The following PIAS2 variants were observed in gnomAD, a reference collection of about 807,000 sequenced individuals.
The protein encoded by PIAS2 is E3 SUMO-protein ligase PIAS2.
PIAS2 carries 19 observed loss-of-function variants against 69.7 expected under a neutral mutation model. That is an observed-to-expected ratio of 0.27 (90% CI 0.19 to 0.40). PIAS2 has a LOEUF of 0.40. Among genes scored for constraint, PIAS2 ranks in the 10% least tolerant of loss-of-function variants. PIAS2 has a pLI of 1.00. For missense variants in PIAS2, 624 were observed against 757.0 expected (o/e 0.82, Z 2.06); for synonymous variants, 261 against 263.2 (o/e 0.99, Z 0.08).
intron 12 of PIAS2, among the ~76,000 whole-genome samples, chr18:46,820,233 G>A (rs2042017659): frequency 6.6e-6 from 1 of 151,940 alleles, no homozygotes; most frequent in Non-Finnish European, 1.5e-5. Flanking sequence ...CTTAATAATG[G>A]CACCAAAGTG....
intron 2 of PIAS2, among the ~76,000 whole-genome samples, chr18:46,886,101 C>T (rs1432564316): frequency 6.6e-6 from 1 of 152,188 alleles, no homozygotes; most frequent in Non-Finnish European, 1.5e-5. Context: ...CCTACTACAG[C>T]ATCTTCACTT....
Position 46,836,491 on chromosome 18 carries a change from T to C in PIAS2, c.1068A>G (p.Pro356=). Residue 356 remains proline (P), a synonymous_variant, in exon 9 of 14, where the codon CCA becomes CCG. Coordinates refer to ENST00000585916, the MANE Select transcript of PIAS2 (RefSeq NM_004671.5). The part of the protein sequence containing the change: ...CPLGKMRLTI[P]CRAVTCTHLQ... ...GATGTGTACAAGTCACTGCACGGCA[T>C]GGGATTGTCAGCCTCATTTTTCCTA... 6.2e-7 allele frequency: 1 copy of C among 1,612,656 alleles called. No individual in the cohort carries two copies. The highest frequency in any genetic ancestry group is 1.1e-5 in the South Asian group (1 of 90,796).
intron 12 of PIAS2, chr18:46,817,744 A>G (rs1214893340): frequency 3.6e-5 from 34 of 947,414 alleles, no homozygotes; most frequent in Non-Finnish European, 4.3e-5. Context: ...TCTCTCACTG[A>G]AACCATTTTT....
Position 46,812,077 on chromosome 18 carries a change from A to G in PIAS2, c.*356T>C. On this transcript the variant is annotated 3_prime_UTR_variant, in exon 14 of 14. Transcript: ENST00000585916. ...ACAATTTTTTTTTTAATTAGAAAAA[A>G]GGTTACTTGAATATTTACATAATTT... The G allele has an allele frequency of 6.3e-6, 1 of 158,036 alleles. No individual in the cohort carries two copies. Among genetic ancestry groups the G allele is most frequent in the Non-Finnish European group, 1.4e-5 (1 of 71,644 alleles). The allele number at this position is 158,036 out of a possible 1,614,324, so 9.8% of individuals were successfully genotyped here. A position where few individuals can be genotyped will look rare whatever the true frequency, so the allele number is the denominator to read the frequency against.
intron 5 of PIAS2, among the ~76,000 whole-genome samples, chr18:46,854,216 A>G (rs899284504): frequency 1.3e-5 from 2 of 152,120 alleles, no homozygotes; most frequent in Non-Finnish European, 2.9e-5. Context: ...GGCTCTGGAG[A>G]GCCCAGAGTC....
rs1415015456 is a variant in PIAS2 at position 46,808,636 on chromosome 18, C to T, written c.*3797G>A. The T allele has an allele frequency of 1.3e-5, 2 of 152,110 alleles. No individual in the cohort carries two copies. Among genetic ancestry groups the T allele is most frequent in the Non-Finnish European group, 2.9e-5 (2 of 68,006 alleles). The allele number at this position is 152,110 out of a possible 1,614,324, so 9.4% of individuals were successfully genotyped here. ...CTTAAGGCTCCCAAATCACATGAAC[C>T]TAGGACCACTAAATCCAATGTCAGA... On this transcript the variant is annotated 3_prime_UTR_variant, in exon 14 of 14. Transcript: ENST00000585916.
At chr18:46,911,819 G>C (rs893746038) in intron 1 of PIAS2, among the ~76,000 whole-genome samples, 2 of 152,222 alleles carry the variant, frequency 1.3e-5, no homozygotes, top group Non-Finnish European at 2.9e-5. Context: ...GCCAAGGGAG[G>C]GGGAGTGGAT....
chr18:46,836,195 A>G, intron 9 of PIAS2, 162 bp downstream of exon 9: 1 of 541,380 alleles, frequency 1.8e-6, no homozygotes, highest in Admixed American at 3.0e-5. Flanking sequence ...TTAAAAAATA[A>G]GATTGAGTAT....
At chr18:46,826,819 A>G (rs1052821645) in intron 11 of PIAS2, 12 of 152,216 alleles carry the variant, frequency 7.9e-5, no homozygotes, top group African/African-American at 2.9e-4. Flanking sequence ...AAATGTAAGT[A>G]TTTTAACAGC....
At chr18:46,898,494 A>C (rs1439793554) in intron 1 of PIAS2, among the ~76,000 whole-genome samples, 2 of 152,102 alleles carry the variant, frequency 1.3e-5, no homozygotes, top group African/African-American at 4.8e-5. Flanking sequence ...AAATGACAAG[A>C]CTCTCTCTAT....
chr18:46,858,455 G>A (rs1033137767), intron 3 of PIAS2, among the ~76,000 whole-genome samples: 9 of 152,188 alleles, frequency 5.9e-5, no homozygotes, highest in Non-Finnish European at 1.0e-4. Flanking sequence ...GCTCACGCCT[G>A]TAATCCCAAC....
intron 3 of PIAS2, among the ~76,000 whole-genome samples, chr18:46,857,114 C>T (rs775903491): frequency 1.3e-5 from 2 of 152,216 alleles, no homozygotes; most frequent in African/African-American, 4.8e-5. Flanking sequence ...GTGACTGTTT[C>T]CACTGCTCCC....
chr18:46,863,532 A>C (rs1489501502), intron 3 of PIAS2, among the ~76,000 whole-genome samples: 1 of 151,940 alleles, frequency 6.6e-6, no homozygotes. Context: ...TCCTGGGCTC[A>C]AGTGATACTG....
rs1346806508 is a variant in PIAS2, at chr18:46,803,260, C to T, written c.*9173G>A. 1 of 151,970 alleles carries T rather than the reference C, an allele frequency of 6.6e-6. No individual in the cohort carries two copies. The allele number at this position is 151,970 out of a possible 1,614,324, so 9.4% of individuals were successfully genotyped here. On this transcript the variant is annotated 3_prime_UTR_variant, in exon 14 of 14. Coordinates refer to ENST00000585916, the MANE Select transcript of PIAS2 (RefSeq NM_004671.5). Reference sequence around the variant, plus strand: ...GGTTTAATTTTTCTTTAATGTCTTACAATCAGGTACTTAGATTCAATAAAA... The same window carrying T: ...GGTTTAATTTTTCTTTAATGTCTTATAATCAGGTACTTAGATTCAATAAAA...
chr18:46,823,896 T>C (rs1343090713), intron 11 of PIAS2, among the ~76,000 whole-genome samples: 1 of 152,132 alleles, frequency 6.6e-6, no homozygotes, highest in Non-Finnish European at 1.5e-5. Context: ...CTAAAGCCTA[T>C]GCAAAAAATA....
At chr18:46,888,727 T>C (rs149274941) in intron 2 of PIAS2, among the ~76,000 whole-genome samples, 9 of 152,144 alleles carry the variant, frequency 5.9e-5, no homozygotes, top group Admixed American at 2.6e-4. Context: ...CAGTTCACAG[T>C]AGGGTTCCTG....
chr18:46,902,979 A>C (rs947242752), intron 1 of PIAS2, among the ~76,000 whole-genome samples: 3 of 152,210 alleles, frequency 2.0e-5, no homozygotes, highest in African/African-American at 4.8e-5. Flanking sequence ...CAGCCTTTCA[A>C]TATATGGTGC....
chr18:46,890,704 A>G lies in PIAS2; in HGVS notation c.375T>C (p.Asp125=), dbSNP rs1363451850. 1.9e-6 allele frequency: 3 copies of G among 1,614,116 alleles called. No homozygotes were observed. Among genetic ancestry groups the G allele is most frequent in the Admixed American group, 1.7e-5 (1 of 60,022 alleles). The change falls in exon 2 of 14, where the codon GAT becomes GAC. Residue 125 remains aspartate (D), a synonymous_variant. Coordinates refer to ENST00000585916, the MANE Select transcript of PIAS2 (RefSeq NM_004671.5). ...GCTGCATCTCAAATGTGGGCTTAGT[A>G]TCTTGAAGCAGCACAGAACCAACAG... ...SSPVGSVLLQ[D]TKPTFEMQQP... is the part of the protein sequence containing the mutation.
At position 46,883,798 on chromosome 18, in the gene PIAS2, T is replaced by C. The variant is rs568590280; in HGVS notation, c.499+6782A>G. On this transcript the variant is annotated intron_variant, in intron 2 of 13. Transcript: ENST00000585916. The stretch of plus-strand genomic sequence containing the variant: ...TTGAGGCTGAAGTGAGCCAAGATTG[T>C]ACACTCTAACCTGGGCAATTAAGTG... Among the ~76,000 whole-genome samples, 3 of 152,290 alleles carry C rather than the reference T, an allele frequency of 2.0e-5. No individual in the cohort carries two copies. In the East Asian group the frequency reaches 5.8e-4, roughly 29 times the overall value.
Sources: gnomAD v4.1 joint callset for allele counts (sites outside exome capture counted in the v4.1 genomes callset) on GRCh38, gnomAD v4.1.1 for gene constraint, MANE v1.5 for transcripts, NCBI Gene and HGNC (gene_info 2026-07-23, HGNC 2026-07-21) for gene names.